The following AUTS2 variants were observed in gnomAD, a reference collection of about 807,000 sequenced individuals.
The protein encoded by AUTS2 is autism susceptibility gene 2 protein.
Under a neutral mutation model 112.4 loss-of-function variants are expected in AUTS2, and 17 were observed. The ratio of observed to expected loss-of-function variants is 0.15; its 90% CI spans 0.10 to 0.23. The LOEUF (loss-of-function observed/expected upper bound fraction) is 0.23. Ranked by LOEUF, AUTS2 falls within the 10% of genes least tolerant of loss-of-function variation. The pLI, the probability that AUTS2 is intolerant of heterozygous loss-of-function variation, is 1.00. For synonymous variants in AUTS2, 751 were observed against 702.7 expected, an observed-to-expected ratio of 1.07 and a Z score of -1.09; for missense variants, 1,510 against 1,701.6, an observed-to-expected ratio of 0.89 and a Z score of 1.98.
chr7:69,857,581 A>T (rs1290117333), intron 1 of AUTS2, among the ~76,000 whole-genome samples: 1 of 152,250 alleles, frequency 6.6e-6, no homozygotes, highest in Non-Finnish European at 1.5e-5. Flanking sequence ...ATTTTTATTT[A>T]TCGTCTTAGA....
intron 5 of AUTS2, among the ~76,000 whole-genome samples, chr7:70,628,148 G>A (rs1037890494): frequency 6.6e-6 from 1 of 152,088 alleles, no homozygotes; most frequent in Admixed American, 6.6e-5. Context: ...AAGCCATGCG[G>A]GCAATGTTGA....
chr7:69,724,638 A>C (rs562569276), intron 1 of AUTS2, among the ~76,000 whole-genome samples: 1 of 152,332 alleles, frequency 6.6e-6, no homozygotes, highest in Non-Finnish European at 1.5e-5. Flanking sequence ...TGAATGAAAA[A>C]GATTTGATCG....
At chr7:70,036,323 A>G (rs145334260) in intron 2 of AUTS2, among the ~76,000 whole-genome samples, 1 of 152,242 alleles carries the variant, frequency 6.6e-6, no homozygotes, top group Non-Finnish European at 1.5e-5. Context: ...ACTTTTAAGT[A>G]ACAACAATAT....
At position 69,891,091 on chromosome 7, in the gene AUTS2, C is replaced by G. The variant is rs147933099; in HGVS notation, c.310-8195C>G. Among the ~76,000 whole-genome samples the G allele has an allele frequency of 1.5e-3, 231 of 152,258 alleles. 1 individual carries two copies. The highest frequency in any genetic ancestry group is 4.7e-3 in the African/African-American group (194 of 41,548). The stretch of plus-strand genomic sequence containing the variant: ...GAAACCACTGCCACAATCAAGACAG[C>G]GAACATGTTCACCCCAAAAGTTTCC... On this transcript the variant is annotated intron_variant, in intron 1 of 18. Transcript: ENST00000342771.
At chr7:70,169,861 T>C (rs1229813022) in intron 4 of AUTS2, among the ~76,000 whole-genome samples, 1 of 152,088 alleles carries the variant, frequency 6.6e-6, no homozygotes, top group Admixed American at 6.6e-5. Flanking sequence ...ACTGGTAAAA[T>C]GGGGGTTGGC....
intron 5 of AUTS2, chr7:70,596,377 C>G (rs38316): frequency 0.13 from 19,924 of 152,188 alleles, 1,628 homozygotes; most frequent in Non-Finnish European, 0.17. Flanking sequence ...CCAGTGCCCG[C>G]GAACCCACCT....
chr7:69,777,028 C>T (rs1788928310), intron 1 of AUTS2, among the ~76,000 whole-genome samples: 1 of 152,172 alleles, frequency 6.6e-6, no homozygotes. Context: ...CTGTCATTAC[C>T]TCTTTCCCTA....
Position 70,732,549 on chromosome 7 carries a change from C to T in AUTS2, c.743-30321C>T, listed in dbSNP as rs916457127. ...TCTGTCTCCCCTGACAGAAACATTG[C>T]GGTGGTGGGGGTTGTGGGGGTGCAT... On this transcript the variant is annotated intron_variant, in intron 6 of 18. Coordinates refer to ENST00000342771, the MANE Select transcript of AUTS2 (RefSeq NM_015570.4). Among the ~76,000 whole-genome samples, 11 of 152,174 alleles carry T rather than the reference C, an allele frequency of 7.2e-5. 1 individual carries two copies. Among genetic ancestry groups the T allele is most frequent in the East Asian group, 3.9e-4 (2 of 5,176 alleles).
chr7:70,067,902 C>T (rs1020510691), intron 2 of AUTS2, among the ~76,000 whole-genome samples: 1 of 151,032 alleles, frequency 6.6e-6, no homozygotes, highest in South Asian at 2.1e-4. Context: ...GCCAAAATAC[C>T]CAACATCATG....
At position 70,790,378 on chromosome 7, in the gene AUTS2, C is replaced by T. The variant is rs987240696; in HGVS notation, c.3162C>T (p.Pro1054=). The T allele has an allele frequency of 1.2e-6, 2 of 1,613,938 alleles. No individual in the cohort carries two copies. The highest frequency in any genetic ancestry group is 1.7e-6 in the Non-Finnish European group (2 of 1,180,008). The change falls in exon 19 of 19, where the codon CCC becomes CCT. Residue 1054 remains proline (P), a synonymous_variant. Coordinates refer to ENST00000342771, the MANE Select transcript of AUTS2 (RefSeq NM_015570.4). This position sits in a 1 kb window ranked among gnomAD's most constrained non-coding sequence, Gnocchi z 7.6. ...TGACCCCCTTCATGGGCATCAGCCC[C>T]CTCCCGGGCGGAGAGCGCTTCCCGT... ...RMMTPFMGIS[P]LPGGERFPYP...
At chr7:70,267,225 T>C (rs1419785806) in intron 4 of AUTS2, among the ~76,000 whole-genome samples, 1 of 152,178 alleles carries the variant, frequency 6.6e-6, no homozygotes, top group East Asian at 1.9e-4. Flanking sequence ...CGCTGTTTAG[T>C]GCATGGAAAT....
rs570889688 is a variant in AUTS2 at position 70,709,579 on chromosome 7, C to T, written c.742+10959C>T. Among the ~76,000 whole-genome samples, 3 of 152,246 alleles carry T rather than the reference C, an allele frequency of 2.0e-5. No individual in the cohort carries two copies. The South Asian group carries it at 6.2e-4, about 32-fold the overall frequency. ...TACAAAAATGAGGTGGGCATGGTGG[C>T]ACACGCCTGTAATCCCAGGTGCTCG... On this transcript the variant is annotated intron_variant, in intron 6 of 18. Coordinates refer to ENST00000342771, the MANE Select transcript of AUTS2 (RefSeq NM_015570.4).
intron 6 of AUTS2, among the ~76,000 whole-genome samples, chr7:70,752,215 A>C (rs1439920566): frequency 6.6e-6 from 1 of 152,116 alleles, no homozygotes; most frequent in Non-Finnish European, 1.5e-5. Flanking sequence ...GATCTTATCC[A>C]GAGGAAGCAG....
At position 69,614,370 on chromosome 7, in the gene AUTS2, T is replaced by TCTTTC. The variant is rs1322536871; in HGVS notation, c.309+14408_309+14409insCTTTC. Among the ~76,000 whole-genome samples the TCTTTC allele has an allele frequency of 4.7e-3, 135 of 28,530 alleles. 16 individuals are homozygous for TCTTTC. The highest frequency in any genetic ancestry group is 0.045 in the South Asian group (43 of 946). The allele number at this position is 28,530 out of a possible 152,430, so 18.7% of individuals were successfully genotyped here. On this transcript the variant is annotated intron_variant, in intron 1 of 18. Coordinates refer to ENST00000342771, the MANE Select transcript of AUTS2 (RefSeq NM_015570.4). ...TTTCTTTCTTTCTTTCTTTCTTTTT[T>TCTTTC]TAAGAGATGGGATCTCACTCTGTTT...
intron 4 of AUTS2, among the ~76,000 whole-genome samples, chr7:70,399,896 G>A (rs949487200): frequency 1.1e-4 from 16 of 152,130 alleles, no homozygotes; most frequent in African/African-American, 2.4e-4. Flanking sequence ...TTTAGTGTGC[G>A]GTGGTAAGCT....
intron 5 of AUTS2, among the ~76,000 whole-genome samples, chr7:70,452,973 CT>C (rs145237238): frequency 3.0e-4 from 45 of 152,318 alleles, no homozygotes; most frequent in African/African-American, 1.1e-3. Context: ...TAAGTATCTT[CT>C]CCAGCCTCCT....
intron 4 of AUTS2, among the ~76,000 whole-genome samples, chr7:70,260,674 G>A (rs1787121394): frequency 6.6e-6 from 1 of 152,102 alleles, no homozygotes; most frequent in East Asian, 1.9e-4. Context: ...CATATATATA[G>A]TGCAGCAGTC....
chr7:70,737,316 T>C (rs1052739699), intron 6 of AUTS2, among the ~76,000 whole-genome samples: 2 of 152,212 alleles, frequency 1.3e-5, no homozygotes, highest in Non-Finnish European at 1.5e-5. Flanking sequence ...AGCACCACCG[T>C]GTGCCAAAGG....
In AUTS2 at chr7:69,802,032, A is replaced by G. The variant is rs76751655; in HGVS notation, c.310-97254A>G. Among the ~76,000 whole-genome samples, 443 of 152,290 alleles carry G rather than the reference A, an allele frequency of 2.9e-3. 15 individuals are homozygous for G. In the East Asian group the frequency reaches 0.072, roughly 25 times the overall value. ...GGTGGGTATTTGGGAGAAGTGAGGTAGGACAGTGTGCATAGCTCTTTGGAA... is the reference window on the plus strand; with the variant it reads ...GGTGGGTATTTGGGAGAAGTGAGGTGGGACAGTGTGCATAGCTCTTTGGAA... On this transcript the variant is annotated intron_variant, in intron 1 of 18. Transcript: ENST00000342771.
Sources: allele counts gnomAD v4.1 joint callset (sites outside exome capture counted in the v4.1 genomes callset), GRCh38; gene constraint gnomAD v4.1.1; non-coding constraint Gnocchi (gnomAD v3.1); transcripts MANE v1.5; gene names NCBI Gene and HGNC (gene_info 2026-07-23, HGNC 2026-07-21).